SGCZ: variants seen among roughly 807,000 people sequenced by gnomAD.
SGCZ encodes sarcoglycan zeta.
SGCZ carries 40 observed loss-of-function variants against 41.3 expected under a neutral mutation model. That is an observed-to-expected ratio of 0.97 (90% confidence interval 0.75 to 1.26). SGCZ has a LOEUF of 1.26. SGCZ is among the 50% of genes most tolerant of loss of function. The probability of loss-of-function intolerance (pLI) is 0.00; values close to 1 mark genes in which losing one functional copy is unlikely to be tolerated. For synonymous variants in SGCZ, 206 were observed against 137.5 expected (o/e 1.50, Z -3.49); for missense variants, 552 against 369.8 (o/e 1.49, Z -4.04).
At chr8:14,447,590 C>T (rs548500965) in intron 2 of SGCZ, among the ~76,000 whole-genome samples, 2 of 152,254 alleles carry the variant, frequency 1.3e-5, no homozygotes, top group East Asian at 1.9e-4. Flanking sequence ...ACAACTCTTA[C>T]GCTGTGCTTT....
intron 1 of SGCZ, among the ~76,000 whole-genome samples, chr8:15,066,086 A>G (rs866481377): frequency 6.6e-6 from 1 of 152,036 alleles, no homozygotes; most frequent in African/African-American, 2.4e-5. Flanking sequence ...AGGCGGGTGG[A>G]TCATGAGGTC....
chr8:15,095,271 G>T (rs1806303012), intron 1 of SGCZ, among the ~76,000 whole-genome samples: 1 of 151,952 alleles, frequency 6.6e-6, no homozygotes, highest in Non-Finnish European at 1.5e-5. Flanking sequence ...GCTAATTTTT[G>T]TATTTTTAGT....
intron 6 of SGCZ, among the ~76,000 whole-genome samples, chr8:14,107,385 A>G (rs1320573497): frequency 6.6e-6 from 1 of 152,114 alleles, no homozygotes; most frequent in Non-Finnish European, 1.5e-5. Flanking sequence ...TTTTACATAT[A>G]AATGCCTCCT....
intron 1 of SGCZ, among the ~76,000 whole-genome samples, chr8:14,598,217 AT>A (rs545042944): frequency 7.3e-5 from 11 of 151,616 alleles, no homozygotes; most frequent in African/African-American, 1.9e-4. Flanking sequence ...CAAGTGGGGC[AT>A]TTTTTTTCAT....
intron 2 of SGCZ, among the ~76,000 whole-genome samples, chr8:14,371,429 A>G (rs1195638223): frequency 6.6e-6 from 1 of 152,084 alleles, no homozygotes; most frequent in Non-Finnish European, 1.5e-5. Context: ...ATGACTTTAA[A>G]TCTGTTTCTT....
chr8:14,603,599 A>G (rs558193100), intron 1 of SGCZ, among the ~76,000 whole-genome samples: 57 of 152,316 alleles, frequency 3.7e-4, no homozygotes, highest in African/African-American at 1.3e-3. Context: ...TTTTTAAAAT[A>G]AAAATTTAAA....
At chr8:15,175,162 C>A (rs1024820205) in intron 1 of SGCZ, among the ~76,000 whole-genome samples, 1 of 151,866 alleles carries the variant, frequency 6.6e-6, no homozygotes, top group African/African-American at 2.4e-5. Flanking sequence ...TCCACTTGAC[C>A]GAGCAATCCT....
At chr8:14,234,904 T>G (rs1401582139) in intron 4 of SGCZ, among the ~76,000 whole-genome samples, 1 of 152,160 alleles carries the variant, frequency 6.6e-6, no homozygotes, top group Non-Finnish European at 1.5e-5. Flanking sequence ...GTACCATAAT[T>G]CAACCTTATC....
chr8:15,086,300 A>T (rs187962763), intron 1 of SGCZ, among the ~76,000 whole-genome samples: 22 of 152,322 alleles, frequency 1.4e-4, no homozygotes, highest in South Asian at 2.1e-4. Context: ...GAAAACTACA[A>T]CGTGGTTGCT....
chr8:14,627,988 C>T (rs916273172), intron 1 of SGCZ, among the ~76,000 whole-genome samples: 2 of 151,966 alleles, frequency 1.3e-5, no homozygotes, highest in Non-Finnish European at 2.9e-5. Context: ...ATATTAGACC[C>T]ACACATCACT....
intron 1 of SGCZ, among the ~76,000 whole-genome samples, chr8:14,957,265 T>G: frequency 6.6e-6 from 1 of 152,168 alleles, no homozygotes; most frequent in Non-Finnish European, 1.5e-5. Flanking sequence ...CATCCAAATT[T>G]ATTTGCCAAA....
At chr8:14,616,266 G>C (rs1806099276) in intron 1 of SGCZ, among the ~76,000 whole-genome samples, 1 of 146,480 alleles carries the variant, frequency 6.8e-6, no homozygotes, top group Non-Finnish European at 1.5e-5. Flanking sequence ...CTGGGCCACA[G>C]AGCGAGACTC....
At chr8:14,128,450 T>G (rs975504498) in intron 5 of SGCZ, among the ~76,000 whole-genome samples, 10 of 152,194 alleles carry the variant, frequency 6.6e-5, no homozygotes, top group Non-Finnish European at 1.5e-5. Flanking sequence ...ACACTGTTGG[T>G]GGAAGTGTAA....
intron 1 of SGCZ, among the ~76,000 whole-genome samples, chr8:15,177,810 A>G (rs1800045434): frequency 6.6e-6 from 1 of 152,174 alleles, no homozygotes; most frequent in Non-Finnish European, 1.5e-5. Context: ...CTGAACCAGT[A>G]TACGTGGACC....
At chr8:14,145,212 C>T (rs1803484867) in intron 5 of SGCZ, among the ~76,000 whole-genome samples, 2 of 152,144 alleles carry the variant, frequency 1.3e-5, no homozygotes, top group South Asian at 4.1e-4. Flanking sequence ...TTACTCTACC[C>T]CCAGCTTCAG....
chr8:14,408,966 T>TGTGCGCGCGTGTGC (rs1554513906), intron 2 of SGCZ, among the ~76,000 whole-genome samples: 313 of 136,820 alleles, frequency 2.3e-3, no homozygotes, highest in Middle Eastern at 7.0e-3. Flanking sequence ...TGTGTGTGTG[T>TGTGCGCGCGTGTGC]GTGTGCATGT....
At position 14,090,006 on chromosome 8, in the gene SGCZ, A is replaced by C. The variant is rs17118615; in HGVS notation, c.*437T>G. ...TAAAAGTTTACATCCAAAAAGATGA[A>C]TGGAAAATTGTGCTTTCAGAATGTA... On this transcript the variant is annotated 3_prime_UTR_variant, in exon 8 of 8. Transcript: ENST00000382080. 1 of 153,100 alleles carries C rather than the reference A, an allele frequency of 6.5e-6. No individual in the cohort carries two copies. Among genetic ancestry groups the C allele is most frequent in the Non-Finnish European group, 1.5e-5 (1 of 68,464 alleles). 9.5% of individuals were successfully genotyped at this position (153,100 alleles called of 1,614,324 possible).
At chr8:14,386,620 A>C (rs1490940195) in intron 2 of SGCZ, among the ~76,000 whole-genome samples, 2 of 152,320 alleles carry the variant, frequency 1.3e-5, no homozygotes, top group East Asian at 3.9e-4. Flanking sequence ...AAACTTTGTA[A>C]AATAAATTAT....
At chr8:14,343,473 A>C (rs1802780854) in intron 2 of SGCZ, among the ~76,000 whole-genome samples, 1 of 152,330 alleles carries the variant, frequency 6.6e-6, no homozygotes, top group East Asian at 1.9e-4. Context: ...AGAGAGTTAT[A>C]ACTTGGACTC....
Sources: gnomAD v4.1 joint callset for allele counts (sites outside exome capture counted in the v4.1 genomes callset) on GRCh38, gnomAD v4.1.1 for gene constraint, MANE v1.5 for transcripts, NCBI Gene and HGNC (gene_info 2026-07-23, HGNC 2026-07-21) for gene names.